Variants in DYNC2I1 observed in about 807,000 individuals in gnomAD.
DYNC2I1 encodes dynein 2 intermediate chain 1.
Under a neutral mutation model 133.4 loss-of-function variants are expected in DYNC2I1, and 89 were observed. The ratio of observed to expected loss-of-function variants is 0.67; its 90% confidence interval spans 0.56 to 0.80. The LOEUF is 0.80. Ranked by LOEUF, DYNC2I1 falls within the 30% of genes least tolerant of loss-of-function variation. The pLI, the probability that DYNC2I1 is intolerant of heterozygous loss-of-function variation, is 0.00. For synonymous variants in DYNC2I1, 504 were observed against 484.3 expected, an observed-to-expected ratio of 1.04 and a Z score of -0.54; for missense variants, 1,291 against 1,314.5, an observed-to-expected ratio of 0.98 and a Z score of 0.28.
In DYNC2I1 at chr7:158,923,739, T is replaced by C. The variant is rs1272024039; in HGVS notation, c.2257+6T>C. ...GACCGCCACGTTTTCCACCGGTCAG[T>C]GTCATCTGCCTGCCAATTGTGTGTC... On this transcript the variant is annotated splice_donor_region_variant and intron_variant, in intron 17 of 24. Transcript: ENST00000407559. The C allele has an allele frequency of 3.1e-6, 5 of 1,599,162 alleles. No individual in the cohort carries two copies. The highest frequency in any genetic ancestry group is 1.3e-5 in the African/African-American group (1 of 74,352).
chr7:158,840,346 C>T, the DYNC2I1 span, among the ~76,000 whole-genome samples: 1 of 152,142 alleles, frequency 6.6e-6, no homozygotes, highest in African/African-American at 2.4e-5. Flanking sequence ...CAGGTGGATC[C>T]GTCGAAGTCG....
intron 21 of DYNC2I1, among the ~76,000 whole-genome samples, chr7:158,930,840 G>C (rs1850152525): frequency 6.6e-6 from 1 of 151,964 alleles, no homozygotes; most frequent in Non-Finnish European, 1.5e-5. Context: ...GCTAATTTTT[G>C]TATTTTTAGT....
chr7:158,839,635 C>T, the DYNC2I1 span, among the ~76,000 whole-genome samples: 4 of 152,038 alleles, frequency 2.6e-5, no homozygotes, highest in African/African-American at 7.3e-5. Flanking sequence ...CTGGCTGACA[C>T]GGTGAAACCC....
the DYNC2I1 span, among the ~76,000 whole-genome samples, chr7:158,839,693 G>A: frequency 8.5e-5 from 13 of 152,102 alleles, no homozygotes; most frequent in Admixed American, 5.2e-4. Flanking sequence ...GGTGGCGGGC[G>A]CCTGTAGTCC....
In DYNC2I1 at chr7:158,945,775, A is replaced by G. The variant is rs757598875; in HGVS notation, c.3197A>G (p.Lys1066Arg). Residue 1066 changes from lysine to arginine, a missense_variant, in exon 25 of 25, where the codon AAG becomes AGG. By Grantham distance (26) the Lys-to-Arg change is conservative. Transcript: ENST00000407559. This position sits in a 1 kb window ranked among gnomAD's most constrained non-coding sequence, Gnocchi z 4.1. ...EALWPEGKLH[K>R] ...CTGTGGCCAGAGGGAAAACTGCACA[A>G]GTAGCGGGTGTGGCTGAGAGGACCG... The G allele has an allele frequency of 1.3e-6, 2 of 1,555,466 alleles. No homozygotes were observed.
chr7:158,864,626 T>C (rs1286914441), intron 1 of DYNC2I1, among the ~76,000 whole-genome samples: 1 of 151,842 alleles, frequency 6.6e-6, no homozygotes, highest in East Asian at 1.9e-4. Context: ...CCTCCTGTCT[T>C]AGCCTCCTGA....
intron 6 of DYNC2I1, among the ~76,000 whole-genome samples, chr7:158,885,819 C>T (rs1844542357): frequency 1.3e-5 from 2 of 152,048 alleles, no homozygotes; most frequent in African/African-American, 4.8e-5. Flanking sequence ...ACTGCATGTC[C>T]ACTAGAAGGC....
rs73732418 is a variant in DYNC2I1 at position 158,917,170 on chromosome 7, G to A, written c.1792-1570G>A. Among the ~76,000 whole-genome samples, 13 of 126,142 alleles carry A rather than the reference G, an allele frequency of 1.0e-4. 2 individuals carry two copies. The highest frequency in any genetic ancestry group is 3.5e-4 in the African/African-American group (11 of 31,350). The allele number at this position is 126,142 out of a possible 152,430, so 82.8% of individuals were successfully genotyped here. A position where few individuals can be genotyped will look rare whatever the true frequency, so the allele number is the denominator to read the frequency against. Reference sequence around the variant, plus strand: ...AAGGATGATTGTGAAATGTTGACACGTGGTTGACATTAAGGATGATTGTGA... The same window carrying A: ...AAGGATGATTGTGAAATGTTGACACATGGTTGACATTAAGGATGATTGTGA... On this transcript the variant is annotated intron_variant, in intron 14 of 24. Transcript: ENST00000407559.
intron 11 of DYNC2I1, among the ~76,000 whole-genome samples, chr7:158,911,135 CACTT>C (rs1847423597): frequency 6.6e-6 from 1 of 152,188 alleles, no homozygotes; most frequent in African/African-American, 2.4e-5. Flanking sequence ...TGGCCCAAAA[CACTT>C]ACTGGCTGCG....
intron 8 of DYNC2I1, among the ~76,000 whole-genome samples, chr7:158,893,606 G>A (rs574141536): frequency 7.2e-5 from 11 of 152,268 alleles, no homozygotes; most frequent in African/African-American, 2.6e-4. Context: ...AGGTGTGGCT[G>A]CTGCTGTTGC....
rs1047818828 is a variant in DYNC2I1 at position 158,871,530 on chromosome 7, T to A, written c.458T>A (p.Leu153His). 1 of 1,543,324 alleles carries A rather than the reference T, an allele frequency of 6.5e-7. No individual in the cohort carries two copies. The highest frequency in any genetic ancestry group is 1.4e-5 in the African/African-American group (1 of 72,744). ...LLGQETRDRQ[L>H]LERAERKGRS... ...GGCCAGGAGACACGCGACCGGCAGC[T>A]CCTGGAGCGGGCGGAGAGGAAAGGC... The change falls in exon 3 of 25, where the codon CTC becomes CAC. Residue 153 changes from leucine (L) to histidine (H), a missense_variant. Physicochemically the swap from Leu to His is moderately conservative, Grantham distance 99 (BLOSUM62 -3). Transcript: ENST00000407559.
intron 1 of DYNC2I1, among the ~76,000 whole-genome samples, chr7:158,858,290 A>G (rs1486919385): frequency 2.0e-5 from 3 of 152,232 alleles, no homozygotes; most frequent in Non-Finnish European, 4.4e-5. Flanking sequence ...GAAAACCAAT[A>G]AACACTATAA....
At chr7:158,952,987 G>A (rs1242809899) in intron 4 of DYNC2I1, among the ~76,000 whole-genome samples, 1 of 152,180 alleles carries the variant, frequency 6.6e-6, no homozygotes, top group Non-Finnish European at 1.5e-5. Context: ...CCAGCATCAC[G>A]CTCCCCCATC....
chr7:158,889,859 G>A (rs1167211952), intron 7 of DYNC2I1, among the ~76,000 whole-genome samples: 1 of 151,816 alleles, frequency 6.6e-6, no homozygotes, highest in East Asian at 1.9e-4. Context: ...ACAAAAATTA[G>A]CCGGGTGTGG....
downstream of DYNC2I1, chr7:158,956,841 G>A (rs1288031181): frequency 6.6e-6 from 1 of 152,298 alleles, no homozygotes; most frequent in Non-Finnish European, 1.5e-5. Flanking sequence ...GGGGCTGTGG[G>A]CAGCTGCCCA....
At chr7:158,954,728 TAAG>T (rs1227165814) in intron 4 of DYNC2I1, among the ~76,000 whole-genome samples, 1 of 152,178 alleles carries the variant, frequency 6.6e-6, no homozygotes, top group Non-Finnish European at 1.5e-5. Context: ...TAAAAATAAG[TAAG>T]AAAAAATTAT....
chr7:158,936,642 C>T (rs768485554), intron 23 of DYNC2I1, among the ~76,000 whole-genome samples: 4 of 152,250 alleles, frequency 2.6e-5, no homozygotes, highest in African/African-American at 9.6e-5. Context: ...GGACTACTGT[C>T]TGCAGCCCTG....
chr7:158,854,395 A>G (rs763249312), upstream of DYNC2I1, among the ~76,000 whole-genome samples: 1 of 151,866 alleles, frequency 6.6e-6, no homozygotes, highest in Non-Finnish European at 1.5e-5. Context: ...GCAAACTATC[A>G]CAAGAACAGA....
At chr7:158,881,610 C>T (rs1844028491) in intron 5 of DYNC2I1, among the ~76,000 whole-genome samples, 1 of 152,088 alleles carries the variant, frequency 6.6e-6, no homozygotes, top group Non-Finnish European at 1.5e-5. Flanking sequence ...TGTGCCACCA[C>T]TCCCGGCTAA....
Sources: allele counts gnomAD v4.1 joint callset (sites outside exome capture counted in the v4.1 genomes callset), GRCh38; gene constraint gnomAD v4.1.1; non-coding constraint Gnocchi (gnomAD v3.1); transcripts MANE v1.5; gene names NCBI Gene and HGNC (gene_info 2026-07-23, HGNC 2026-07-21).